The following KCNH8 variants were observed in gnomAD, a reference collection of about 807,000 sequenced individuals.
The protein encoded by KCNH8 is voltage-gated delayed rectifier potassium channel KCNH8.
Under a neutral mutation model 103.6 loss-of-function variants are expected in KCNH8, and 70 were observed. That is an observed-to-expected ratio of 0.68 (90% confidence interval 0.56 to 0.82). The LOEUF (loss-of-function observed/expected upper bound fraction) is 0.82. Among genes scored for constraint, KCNH8 ranks in the 40% least tolerant of loss-of-function variants. The pLI, the probability that KCNH8 is intolerant of heterozygous loss-of-function variation, is 0.00. For synonymous variants in KCNH8, 498 were observed against 489.4 expected, an observed-to-expected ratio of 1.02 and a Z score of -0.23; for missense variants, 1,217 against 1,329.9, an observed-to-expected ratio of 0.92 and a Z score of 1.32.
intron 1 of KCNH8, among the ~76,000 whole-genome samples, chr3:19,206,168 G>GTATATATATATATATATA (rs750765830): frequency 1.4e-5 from 2 of 139,234 alleles, no homozygotes; most frequent in African/African-American, 5.7e-5. Context: ...TGGTGTGTGT[G>GTATATATATATATATATA]TATATATATA....
chr3:19,487,342 A>T (rs1178282272), intron 11 of KCNH8, among the ~76,000 whole-genome samples: 2 of 152,188 alleles, frequency 1.3e-5, no homozygotes, highest in Non-Finnish European at 2.9e-5. Context: ...TTGGGTGCAG[A>T]GTCACTGTAG....
intron 5 of KCNH8, among the ~76,000 whole-genome samples, chr3:19,368,184 G>C (rs1027527753): frequency 2.0e-5 from 3 of 151,976 alleles, no homozygotes. Context: ...GTTATGAAAA[G>C]CATATTGAAG....
chr3:19,362,659 T>A (rs2065961972), intron 5 of KCNH8, among the ~76,000 whole-genome samples: 1 of 152,054 alleles, frequency 6.6e-6, no homozygotes, highest in African/African-American at 2.4e-5. Context: ...TTGTTTTTGT[T>A]TTTGTTTGTT....
chr3:19,346,661 G>T, intron 4 of KCNH8: 2 of 456,342 alleles, frequency 4.4e-6, no homozygotes, highest in South Asian at 3.1e-5. Flanking sequence ...GGTACTTCAG[G>T]ATCCCTGAAC....
chr3:19,254,464 G>T (rs1377628722), intron 2 of KCNH8, among the ~76,000 whole-genome samples: 1 of 152,040 alleles, frequency 6.6e-6, no homozygotes, highest in Non-Finnish European at 1.5e-5. Flanking sequence ...AAATTTTCTT[G>T]GGCTCCAAAC....
intron 7 of KCNH8, among the ~76,000 whole-genome samples, chr3:19,409,858 C>T (rs1462055497): frequency 6.6e-6 from 1 of 152,080 alleles, no homozygotes; most frequent in Non-Finnish European, 1.5e-5. Context: ...CACAGGAGCA[C>T]CCAAATTCAT....
intron 7 of KCNH8, among the ~76,000 whole-genome samples, chr3:19,416,276 T>C (rs759322956): frequency 6.6e-6 from 1 of 152,098 alleles, no homozygotes; most frequent in East Asian, 1.9e-4. Context: ...TATATTTCCA[T>C]TAGATCAAGC....
intron 15 of KCNH8, 53 bp from the exon 16 acceptor site, chr3:19,533,342 G>C (rs763426267): frequency 1.9e-6 from 2 of 1,077,296 alleles, no homozygotes; most frequent in Non-Finnish European, 2.9e-6. Context: ...CTGAAATGTG[G>C]TCACTACTAT....
chr3:19,295,433 C>A (rs1214343343), intron 3 of KCNH8, among the ~76,000 whole-genome samples: 1 of 149,230 alleles, frequency 6.7e-6, no homozygotes, highest in Non-Finnish European at 1.5e-5. Flanking sequence ...TAAGTTCAGG[C>A]TGAGAGCTAA....
rs1172457702 is a variant in KCNH8, at chr3:19,337,969, AACAC to A, written c.443-4607_443-4604del. On this transcript the variant is annotated intron_variant, in intron 3 of 15. Transcript: ENST00000328405. The stretch of plus-strand genomic sequence containing the variant: ...GGTGAGGGAGACAGAAAAAAAAATA[AACAC>A]ACACACACACGCAGAGAGAGAGAGG... 1.3e-4 allele frequency among the ~76,000 whole-genome samples: 19 copies of A among 150,784 alleles called. No individual in the cohort carries two copies. The East Asian group carries it at 2.5e-3, about 20-fold the overall frequency.
intron 1 of KCNH8, among the ~76,000 whole-genome samples, chr3:19,241,696 A>G (rs1164168006): frequency 6.6e-6 from 1 of 150,492 alleles, no homozygotes; most frequent in African/African-American, 2.5e-5. Context: ...GTCTCAGGTA[A>G]TATTCAGTTA....
intron 10 of KCNH8, among the ~76,000 whole-genome samples, chr3:19,452,835 T>A (rs1278368816): frequency 6.6e-6 from 1 of 152,178 alleles, no homozygotes; most frequent in African/African-American, 2.4e-5. Flanking sequence ...CTTTGGACTC[T>A]GTATTCAGCA....
chr3:19,260,955 C>T (rs1266082273), intron 2 of KCNH8, among the ~76,000 whole-genome samples: 1 of 138,928 alleles, frequency 7.2e-6, no homozygotes, highest in Non-Finnish European at 1.5e-5. Context: ...TTTTTTAAGG[C>T]TGAATAATAT....
chr3:19,410,635 T>C (rs565062568), intron 7 of KCNH8, among the ~76,000 whole-genome samples: 5 of 151,818 alleles, frequency 3.3e-5, no homozygotes, highest in African/African-American at 1.2e-4. Flanking sequence ...ACAAGGTCAA[T>C]AGACCACAAG....
At chr3:19,433,462 T>C (rs1178310903) in intron 7 of KCNH8, among the ~76,000 whole-genome samples, 1 of 152,194 alleles carries the variant, frequency 6.6e-6, no homozygotes, top group Admixed American at 6.5e-5. Flanking sequence ...TTACAGAATA[T>C]TATTTCACAA....
intron 11 of KCNH8, among the ~76,000 whole-genome samples, chr3:19,461,302 C>T (rs2067623491): frequency 6.6e-6 from 1 of 152,136 alleles, no homozygotes; most frequent in Non-Finnish European, 1.5e-5. Flanking sequence ...ACTATGCCCT[C>T]TAAGGGCTAG....
At chr3:19,244,282 A>G (rs2064177132) in intron 1 of KCNH8, among the ~76,000 whole-genome samples, 1 of 152,176 alleles carries the variant, frequency 6.6e-6, no homozygotes, top group South Asian at 2.1e-4. Context: ...GCTATGGCAA[A>G]GAATAAGCTT....
At chr3:19,388,368 G>A (rs535866713) in intron 5 of KCNH8, among the ~76,000 whole-genome samples, 7 of 152,046 alleles carry the variant, frequency 4.6e-5, no homozygotes, top group Admixed American at 3.3e-4. Context: ...TTGCTAATGC[G>A]GAAGTACCTG....
chr3:19,403,963 A>G (rs936915627), intron 7 of KCNH8, among the ~76,000 whole-genome samples: 1 of 151,862 alleles, frequency 6.6e-6, no homozygotes. Flanking sequence ...TAGAGGCCCT[A>G]TTCCTCATCA....
Sources: allele counts gnomAD v4.1 joint callset (sites outside exome capture counted in the v4.1 genomes callset), GRCh38; gene constraint gnomAD v4.1.1; transcripts MANE v1.5; gene names NCBI Gene and HGNC (gene_info 2026-07-23, HGNC 2026-07-21).